Variants in RNF185 observed in about 807,000 individuals in gnomAD.
RNF185 encodes ring finger protein 185.
Under a neutral mutation model 24.9 loss-of-function variants are expected in RNF185, and 13 were observed. That is an observed-to-expected ratio of 0.52 (90% CI 0.34 to 0.83). The LOEUF (loss-of-function observed/expected upper bound fraction) is 0.83. RNF185 is among the 40% of genes least tolerant of loss of function. The probability of loss-of-function intolerance (pLI) is 0.01; values close to 1 mark genes in which losing one functional copy is unlikely to be tolerated. For synonymous variants in RNF185, 79 were observed against 90.3 expected (o/e 0.88, Z 0.71); for missense variants, 184 against 244.7 (o/e 0.75, Z 1.65).
intron 3 of RNF185, among the ~76,000 whole-genome samples, chr22:31,194,435 A>AT (rs1226706141): frequency 1.3e-5 from 2 of 152,158 alleles, no homozygotes; most frequent in East Asian, 3.9e-4. Flanking sequence ...AAATGCTATA[A>AT]AAATGAGAAA....
intron 1 of RNF185, among the ~76,000 whole-genome samples, chr22:31,180,915 C>CTCTGTG (rs1555881705): frequency 7.2e-5 from 7 of 96,884 alleles, no homozygotes; most frequent in East Asian, 5.5e-4. Context: ...CTCTCTCTCT[C>CTCTGTG]TGTGTGTGTG....
intron 1 of RNF185, among the ~76,000 whole-genome samples, chr22:31,181,253 G>C (rs2048033441): frequency 6.6e-6 from 1 of 151,528 alleles, no homozygotes; most frequent in African/African-American, 2.4e-5. Flanking sequence ...GCTGAGGCAG[G>C]GGATTGCTTG....
chr22:31,161,875 G>T, intron 1 of RNF185, among the ~76,000 whole-genome samples: 2 of 125,808 alleles, frequency 1.6e-5, no homozygotes, highest in African/African-American at 5.6e-5. Context: ...ACAAGTTCCA[G>T]CTTTTTTTTT....
At chr22:31,170,842 T>C (rs1351163189) in intron 1 of RNF185, among the ~76,000 whole-genome samples, 1 of 152,010 alleles carries the variant, frequency 6.6e-6, no homozygotes, top group Non-Finnish European at 1.5e-5. Context: ...ATTTATTTAT[T>C]TTTGAGACAA....
intron 1 of RNF185, among the ~76,000 whole-genome samples, chr22:31,183,425 T>A (rs1053161220): frequency 2.0e-5 from 3 of 152,066 alleles, no homozygotes; most frequent in African/African-American, 7.2e-5. Context: ...CTTGGGTGTT[T>A]CTCGGAGAGG....
chr22:31,161,399 A>G (rs1923566433), intron 1 of RNF185, among the ~76,000 whole-genome samples: 1 of 152,150 alleles, frequency 6.6e-6, no homozygotes, highest in Non-Finnish European at 1.5e-5. Context: ...TGACACTTCC[A>G]TCACTTTAGC....
intron 6 of RNF185, among the ~76,000 whole-genome samples, chr22:31,202,893 C>T (rs1429424979): frequency 1.3e-5 from 2 of 152,160 alleles, no homozygotes; most frequent in South Asian, 2.1e-4. Flanking sequence ...GGATTACAGG[C>T]GTGAGCCACC....
intron 5 of RNF185, among the ~76,000 whole-genome samples, chr22:31,198,915 T>A (rs1601377592): frequency 6.7e-6 from 1 of 149,526 alleles, no homozygotes; most frequent in Non-Finnish European, 1.5e-5. Context: ...ACCAATATGG[T>A]GAAACCCTGT....
intron 1 of RNF185, 87 bp from the exon 2 acceptor site, chr22:31,186,959 TG>T: frequency 1.1e-6 from 1 of 944,516 alleles, no homozygotes; most frequent in Non-Finnish European, 1.6e-6. Context: ...TAATCAGCTC[TG>T]GAGCCTAGAG....
intron 1 of RNF185, among the ~76,000 whole-genome samples, chr22:31,176,002 A>G (rs575988560): frequency 3.0e-4 from 46 of 152,210 alleles, no homozygotes; most frequent in Non-Finnish European, 5.4e-4. Flanking sequence ...GCCTCAACCA[A>G]TCCTCCCATC....
chr22:31,184,405 G>A (rs28709894), intron 1 of RNF185, among the ~76,000 whole-genome samples: 12,781 of 151,518 alleles, frequency 0.084, 811 homozygotes, highest in East Asian at 0.4. Context: ...GATGACCGCC[G>A]GGGAGAGGCG....
At chr22:31,184,042 G>T (rs369432887) in intron 1 of RNF185, among the ~76,000 whole-genome samples, 2 of 149,734 alleles carry the variant, frequency 1.3e-5, no homozygotes, top group African/African-American at 4.9e-5. Flanking sequence ...CGGACGGGGC[G>T]GCTGGCCGGT....
rs1040465264 is a variant in RNF185 at position 31,205,852 on chromosome 22, T to G, written c.*1266T>G. ...TGTGGAATCGAGGGGAAATTATTCT[T>G]CCCAATACCTTGATTTGATTTTCAG... On this transcript the variant is annotated 3_prime_UTR_variant, in exon 7 of 7. Transcript: ENST00000326132. The G allele has an allele frequency of 6.6e-6, 1 of 152,492 alleles. No individual in the cohort carries two copies. Among genetic ancestry groups the G allele is most frequent in the Non-Finnish European group, 1.5e-5 (1 of 68,220 alleles). The allele number at this position is 152,492 out of a possible 1,614,324, so 9.4% of individuals were successfully genotyped here. A position where few individuals can be genotyped will look rare whatever the true frequency, so the allele number is the denominator to read the frequency against.
At chr22:31,169,933 C>T (rs905786194) in intron 1 of RNF185, among the ~76,000 whole-genome samples, 4 of 150,650 alleles carry the variant, frequency 2.7e-5, no homozygotes, top group African/African-American at 4.8e-5. Context: ...ACAAAGCTCC[C>T]GAGTGTTGGA....
intron 1 of RNF185, among the ~76,000 whole-genome samples, chr22:31,167,179 A>G (rs934170727): frequency 2.0e-5 from 3 of 152,148 alleles, no homozygotes; most frequent in South Asian, 2.1e-4. Flanking sequence ...AATTTTATCT[A>G]TTTAAATTTT....
rs1434635502 is a variant in RNF185 at position 31,204,815 on chromosome 22, G to C, written c.*229G>C. 14 of 486,528 alleles carry C rather than the reference G, an allele frequency of 2.9e-5. No individual in the cohort carries two copies. The Admixed American group carries it at 4.5e-4, about 16-fold the overall frequency. 30.1% of individuals were successfully genotyped at this position (486,528 alleles called of 1,614,324 possible). Reference sequence around the variant, plus strand: ...CTCTATAACTTCAGGCCTTGGCATTGAGTCATCTCTCATGGGTGACACCAT... The same window carrying C: ...CTCTATAACTTCAGGCCTTGGCATTCAGTCATCTCTCATGGGTGACACCAT... On this transcript the variant is annotated 3_prime_UTR_variant, in exon 7 of 7. Coordinates refer to ENST00000326132, the MANE Select transcript of RNF185 (RefSeq NM_152267.4).
At chr22:31,197,073 T>C (rs754025497) in intron 5 of RNF185, 83 bp downstream of exon 5, 1 of 1,574,906 alleles carries the variant, frequency 6.3e-7, no homozygotes, top group Admixed American at 1.9e-5. Flanking sequence ...TTTTTCTCCT[T>C]GATTATAAAA....
At chr22:31,170,762 G>A (rs998047912) in intron 1 of RNF185, among the ~76,000 whole-genome samples, 1 of 151,962 alleles carries the variant, frequency 6.6e-6, no homozygotes, top group African/African-American at 2.4e-5. Context: ...CACCCACCTT[G>A]TACTCCCAAA....
rs62237432 is a variant in RNF185 at position 31,206,685 on chromosome 22, C to T, written c.*2099C>T. On this transcript the variant is annotated 3_prime_UTR_variant, in exon 7 of 7. Coordinates refer to ENST00000326132, the MANE Select transcript of RNF185 (RefSeq NM_152267.4). ...CCAAATGCCATTTGATTTTGAACCTCGTAGGTCCCCACTCACCCTCTGCCA... is the reference window on the plus strand; with the variant it reads ...CCAAATGCCATTTGATTTTGAACCTTGTAGGTCCCCACTCACCCTCTGCCA... 4.4e-4 allele frequency: 66 copies of T among 151,402 alleles called. No homozygotes were observed. The highest frequency in any genetic ancestry group is 3.6e-3 in the Middle Eastern group (1 of 280). 9.4% of individuals were successfully genotyped at this position (151,402 alleles called of 1,614,324 possible). A position where few individuals can be genotyped will look rare whatever the true frequency, so the allele number is the denominator to read the frequency against.
Sources: allele counts gnomAD v4.1 joint callset (sites outside exome capture counted in the v4.1 genomes callset), GRCh38; gene constraint gnomAD v4.1.1; transcripts MANE v1.5; gene names NCBI Gene and HGNC (gene_info 2026-07-23, HGNC 2026-07-21).